Variants in DALRD3 observed in about 807,000 individuals in gnomAD.
DALRD3 encodes DALR anticodon binding domain containing 3.
In DALRD3, 47 loss-of-function variants were observed where a neutral mutation model predicts 56.7. The observed-to-expected ratio is 0.83, with a 90% CI of 0.66 to 1.06. The LOEUF is 1.06. Among genes scored for constraint, DALRD3 ranks in the 50% least tolerant of loss-of-function variants. DALRD3 has a pLI of 0.00. For missense variants in DALRD3, 787 were observed against 724.0 expected (o/e 1.09, Z -1.00); for synonymous variants, 347 against 308.5 (o/e 1.12, Z -1.31).
upstream of DALRD3, chr3:49,018,915 C>G: frequency 1.0e-6 from 1 of 985,456 alleles, no homozygotes. Context: ...AATAACATTT[C>G]ATTTCTCCCA....
Position 49,016,255 on chromosome 3 carries a change from G to A in DALRD3, c.1232C>T (p.Ala411Val), listed in dbSNP as rs1448066552. Residue 411 changes from alanine (A) to valine (V), a missense_variant, in exon 9 of 12, where the codon GCC becomes GTC. By Grantham distance (64) the Ala-to-Val change is moderately conservative (BLOSUM62 0). Transcript: ENST00000341949. ...TFVMYNCARLATLFESYKCSM... is the reference protein window; with the variant it reads ...TFVMYNCARLVTLFESYKCSM... Reference sequence around the variant, plus strand: ...ACACTTGTAACTCTCAAAGAGTGTGGCAAGACGGGCACAATTATACATGAC... The same window carrying A: ...ACACTTGTAACTCTCAAAGAGTGTGACAAGACGGGCACAATTATACATGAC... 3 of 1,614,106 alleles carry A rather than the reference G, an allele frequency of 1.9e-6. No homozygotes were observed. Among genetic ancestry groups the A allele is most frequent in the Non-Finnish European group, 2.5e-6 (3 of 1,180,006 alleles).
chr3:49,016,872 A>G (rs1189197044), intron 5 of DALRD3, 25 bp from the exon 6 acceptor site: 7 of 1,614,048 alleles, frequency 4.3e-6, no homozygotes, highest in Non-Finnish European at 5.9e-6. Flanking sequence ...TCAGGGGCTC[A>G]GCCTAGTTGG....
At chr3:49,016,748 T>C (rs1161188606) in intron 6 of DALRD3, 26 bp downstream of exon 6, 24 of 1,613,850 alleles carry the variant, frequency 1.5e-5, no homozygotes, top group Non-Finnish European at 2.0e-5. Context: ...CTGGCTTAGG[T>C]TGGTGTTCCT....
At position 49,017,700 on chromosome 3, in the gene DALRD3, C is replaced by T; in HGVS notation, c.631G>A (p.Gly211Ser). 3.1e-6 allele frequency: 5 copies of T among 1,614,158 alleles called. No individual in the cohort carries two copies. The Middle Eastern group carries it at 6.6e-4, about 213-fold the overall frequency. The change falls in exon 3 of 12, where the codon GGC becomes AGC. Residue 211 changes from glycine (G) to serine (S), a missense_variant. Physicochemically the swap from Gly to Ser is moderately conservative, Grantham distance 56. Transcript: ENST00000341949. ...SANDGRTLSP[G>S]ILGRLCLKEL... The stretch of plus-strand genomic sequence containing the variant: ...TTCAGACACAGTCTGCCTAGGATGC[C>T]AGGGGACAGTGTCCTCCCGTCATTA...
Position 49,017,232 on chromosome 3 carries a change from CTGAG to C in DALRD3, c.919_922del (p.Leu307AspfsTer10). ...CCACCATCATTATTAACCTACCTGT[CTGAG>C]TGGAGCCTTGTCAACCAACTTCTGC... On this transcript the variant is annotated frameshift_variant, in exon 5 of 12. Coordinates refer to ENST00000341949, the MANE Select transcript of DALRD3 (RefSeq NM_001009996.3). LOFTEE classifies it high-confidence loss of function. 6.2e-7 allele frequency: 1 copy of C among 1,614,206 alleles called. No individual in the cohort carries two copies. The highest frequency in any genetic ancestry group is 8.5e-7 in the Non-Finnish European group (1 of 1,180,034).
At chr3:49,015,939 A>AGAG (rs2093060922) in intron 10 of DALRD3, 34 bp downstream of exon 10, 5 of 1,614,074 alleles carry the variant, frequency 3.1e-6, no homozygotes, top group African/African-American at 1.3e-5. Context: ...AATAAAGAAT[A>AGAG]GAGTGTAGAG....
chr3:49,020,168 C>T (rs538769454), upstream of DALRD3: 10 of 534,328 alleles, frequency 1.9e-5, no homozygotes, highest in Non-Finnish European at 3.5e-5. Context: ...TGGGCGGACA[C>T]GACATTCCCG....
In DALRD3 at chr3:49,018,168, C is replaced by A; in HGVS notation, c.316G>T (p.Ala106Ser). Residue 106 changes from alanine to serine, a missense_variant, in exon 2 of 12, where the codon GCC becomes TCC. Ala to Ser is a moderately conservative substitution (Grantham distance 99, BLOSUM62 1). Transcript: ENST00000341949. ...AGCGAGGCAGGCGAGGCGGGCGTGG[C>A]ATAGGCGGCCACGGCGCTGAGGACG... ...ERVLSAVAAY[A>S]TPASPASLGQ... The A allele has an allele frequency of 6.9e-7, 1 of 1,452,982 alleles. No individual in the cohort carries two copies. The highest frequency in any genetic ancestry group is 9.0e-7 in the Non-Finnish European group (1 of 1,114,300). The allele number at this position is 1,452,982 out of a possible 1,614,324, so 90.0% of individuals were successfully genotyped here.
rs756630220 is a variant in DALRD3 at position 49,016,340 on chromosome 3, G to C, written c.1147C>G (p.Leu383Val). Residue 383 changes from leucine (L) to valine (V), a missense_variant and splice_region_variant, in exon 9 of 12, where the codon CTC becomes GTC. Physicochemically the swap from Leu to Val is conservative, Grantham distance 32 (BLOSUM62 1). Coordinates refer to ENST00000341949, the MANE Select transcript of DALRD3 (RefSeq NM_001009996.3). ...CTGCTGTCAGCCAGAGCCAGGAAGA[G>C]CTGGGGAATAGAAGCACAGCTGCAG... is the stretch of plus-strand genomic sequence containing the variant. ...EMLSTAPQSQ[L>V]FLALADSSIS... 1 of 1,606,978 alleles carries C rather than the reference G, an allele frequency of 6.2e-7. No homozygotes were observed. Among genetic ancestry groups the C allele is most frequent in the East Asian group, 2.2e-5 (1 of 44,706 alleles).
In DALRD3 at chr3:49,018,012, G is replaced by T. The variant is rs762386940; in HGVS notation, c.461+11C>A. The T allele has an allele frequency of 2.0e-6, 3 of 1,479,836 alleles. No individual in the cohort carries two copies. The African/African-American group carries it at 4.2e-5, about 21-fold the overall frequency. 91.7% of individuals were successfully genotyped at this position (1,479,836 alleles called of 1,614,324 possible). On this transcript the variant is annotated intron_variant, in intron 2 of 11. Coordinates refer to ENST00000341949, the MANE Select transcript of DALRD3 (RefSeq NM_001009996.3). ...CCACTTTCTCCATTCCGGCCCCGCG[G>T]CCCCGCTCACCCGTGAGCGCGCAGG...
chr3:49,020,472 C>T (rs2093144075), upstream of DALRD3: 1 of 385,446 alleles, frequency 2.6e-6, no homozygotes, highest in Non-Finnish European at 5.4e-6. Context: ...CCCAGGGTTC[C>T]AGAGATGGCC....
chr3:49,015,958 T>TTGTC lies in DALRD3; in HGVS notation c.1443+11_1443+14dup. 2 of 1,614,128 alleles carry TTGTC rather than the reference T, an allele frequency of 1.2e-6. No homozygotes were observed. The highest frequency in any genetic ancestry group is 1.7e-6 in the Non-Finnish European group (2 of 1,180,014). On this transcript the variant is annotated intron_variant, in intron 10 of 11. Coordinates refer to ENST00000341949, the MANE Select transcript of DALRD3 (RefSeq NM_001009996.3). Reference sequence around the variant, plus strand: ...AAGAATAGAGTGTAGAGTGTCCTGGTTGTCTATGCCTCACCATCTCTGTGC... The same window carrying TTGTC: ...AAGAATAGAGTGTAGAGTGTCCTGGTTGTCTGTCTATGCCTCACCATCTCTGTGC...
At position 49,016,716 on chromosome 3, in the gene DALRD3, TAA is replaced by T. The variant is rs768936976; in HGVS notation, c.1002-45_1002-44del. On this transcript the variant is annotated intron_variant, in intron 6 of 11. Transcript: ENST00000341949. ...GAAGGCCAGTGGGCAGGGTCCTGGG[TAA>T]AGAGTCCCCCCTCATTACCCTGGCT... 2.5e-5 allele frequency: 41 copies of T among 1,613,616 alleles called. 1 individual carries two copies. The highest frequency in any genetic ancestry group is 1.7e-4 in the African/African-American group (13 of 74,968).
At chr3:49,021,495 C>T (rs1209855584), upstream of DALRD3, 1 of 154,728 alleles carries the variant, frequency 6.5e-6, no homozygotes, top group Admixed American at 6.5e-5. This position sits in a 1 kb window ranked among gnomAD's most constrained non-coding sequence, Gnocchi z 4.1. Context: ...GCTTGCCCTT[C>T]CGCTTGCTCT....
Position 49,015,773 on chromosome 3 carries a change from C to T in DALRD3, c.1512+31G>A, listed in dbSNP as rs1300370546. 3 of 1,613,996 alleles carry T rather than the reference C, an allele frequency of 1.9e-6. No individual in the cohort carries two copies. In the African/African-American group the frequency reaches 4.0e-5, roughly 22 times the overall value. On this transcript the variant is annotated intron_variant, in intron 11 of 11. Transcript: ENST00000341949. ...TTTGCCTTTACCCTATACCTCTCTG[C>T]ACGTCCCACCCCATTTTGCTGTGTG...
chr3:49,020,680 T>C (rs1329624302), upstream of DALRD3: 2 of 491,634 alleles, frequency 4.1e-6, no homozygotes, highest in Admixed American at 4.4e-5. Context: ...AACAGCTGCT[T>C]TTGGGATTCC....
Position 49,016,810 on chromosome 3 carries a change from GCA to G in DALRD3, c.963_964del (p.Ala322ThrfsTer9), listed in dbSNP as rs763480847. ...AGGGGCAGTCATCAGAGTGCCAGGT[GCA>G]CCAGCTACTTTCACAGGGCCACAGA... On this transcript the variant is annotated frameshift_variant, in exon 6 of 12. Transcript: ENST00000341949. LOFTEE classifies it high-confidence loss of function. The G allele has an allele frequency of 1.2e-6, 2 of 1,614,180 alleles. No homozygotes were observed. The highest frequency in any genetic ancestry group is 2.2e-5 in the South Asian group (2 of 91,086).
rs1353571581 is a variant in DALRD3, at chr3:49,015,657, C to T, written c.1563G>A (p.Leu521=). The change falls in exon 12 of 12, where the codon CTG becomes CTA. Residue 521 remains leucine, a synonymous_variant. Coordinates refer to ENST00000341949, the MANE Select transcript of DALRD3 (RefSeq NM_001009996.3). ...TATGGAGCACCTCACGCACAGCTCTCAGAAGCTGCAGGCGGACGAACATCT... is the reference window on the plus strand; with the variant it reads ...TATGGAGCACCTCACGCACAGCTCTTAGAAGCTGCAGGCGGACGAACATCT... ...FGQMFVRLQL[L]RAVREVLHTG... is the part of the protein sequence containing the mutation. The T allele has an allele frequency of 6.2e-7, 1 of 1,614,164 alleles. No homozygotes were observed. The highest frequency in any genetic ancestry group is 1.1e-5 in the South Asian group (1 of 91,082).
rs2106747100 is a variant in DALRD3, at chr3:49,018,552, G to C, written c.13C>G (p.Arg5Gly). Residue 5 changes from arginine to glycine, a missense_variant, in exon 1 of 12, where the codon CGC becomes GGC. Coordinates refer to ENST00000341949, the MANE Select transcript of DALRD3 (RefSeq NM_001009996.3). The part of the protein sequence containing the change: MATR[R>G]LGVGETLGAL... ...CCCAGCGTCTCCCCGACCCCAAGGCGCCTGGTCGCCATGGTGACCGGAAGG... is the reference window on the plus strand; with the variant it reads ...CCCAGCGTCTCCCCGACCCCAAGGCCCCTGGTCGCCATGGTGACCGGAAGG... 1 of 1,574,472 alleles carries C rather than the reference G, an allele frequency of 6.4e-7. No homozygotes were observed. Among genetic ancestry groups the C allele is most frequent in the East Asian group, 2.3e-5 (1 of 43,164 alleles).
Sources: allele counts gnomAD v4.1 joint callset, GRCh38; gene constraint gnomAD v4.1.1; non-coding constraint Gnocchi (gnomAD v3.1); transcripts MANE v1.5; gene names NCBI Gene and HGNC (gene_info 2026-07-23, HGNC 2026-07-21).